The following C6orf132 variants were observed in gnomAD, a reference collection of about 807,000 sequenced individuals.
The protein encoded by C6orf132 is uncharacterized protein C6orf132.
In C6orf132, 43 loss-of-function variants were observed where a neutral mutation model predicts 65.3. The ratio of observed to expected loss-of-function variants is 0.66; its 90% confidence interval spans 0.52 to 0.85. The LOEUF (loss-of-function observed/expected upper bound fraction) is 0.85, where lower values mean the gene tolerates loss of function less well. C6orf132 is among the 40% of genes least tolerant of loss of function. C6orf132 has a pLI of 0.00. For synonymous variants in C6orf132, 631 were observed against 654.1 expected (o/e 0.96, Z 0.54); for missense variants, 1,488 against 1,548.8 (o/e 0.96, Z 0.66).
At chr6:42,111,084 A>G (rs572016625) in intron 2 of C6orf132, among the ~76,000 whole-genome samples, 1 of 152,208 alleles carries the variant, frequency 6.6e-6, no homozygotes, top group South Asian at 2.1e-4. Flanking sequence ...CTTAGTTTTC[A>G]TTAGGTGTTT....
At chr6:42,115,916 T>TTTTTTC (rs1158350802) in intron 2 of C6orf132, among the ~76,000 whole-genome samples, 2 of 147,690 alleles carry the variant, frequency 1.4e-5, no homozygotes, top group East Asian at 2.0e-4. Context: ...TTTTTTTTTC[T>TTTTTTC]TTTTTCTTTT....
At position 42,142,531 on chromosome 6, in the gene C6orf132, A is replaced by C; in HGVS notation, c.-87T>G. ...GGACTGAACTCAGCACGGTCTCCCCAGGGGACTCTACCAGGCCATGTCCCC... is the reference window on the plus strand; with the variant it reads ...GGACTGAACTCAGCACGGTCTCCCCCGGGGACTCTACCAGGCCATGTCCCC... On this transcript the variant is annotated 5_prime_UTR_variant, in exon 1 of 5. Coordinates refer to ENST00000341865, the MANE Select transcript of C6orf132 (RefSeq NM_001164446.3). 8.2e-7 allele frequency: 1 copy of C among 1,215,462 alleles called. No homozygotes were observed. The allele number at this position is 1,215,462 out of a possible 1,614,324, so 75.3% of individuals were successfully genotyped here.
intron 1 of C6orf132, among the ~76,000 whole-genome samples, chr6:42,139,405 G>A (rs991919474): frequency 3.9e-5 from 6 of 152,244 alleles, no homozygotes; most frequent in Admixed American, 2.6e-4. Flanking sequence ...CTTAGAGGAG[G>A]GGCCAGTAAA....
rs1766330035 is a variant in C6orf132, at chr6:42,103,477, T to G, written c.*284A>C. The stretch of plus-strand genomic sequence containing the variant: ...GCAGATAGTACCAGAGAGCAGAAAC[T>G]CAGCGCCCAGGTCCTTAATGGTTCC... On this transcript the variant is annotated 3_prime_UTR_variant, in exon 5 of 5. Transcript: ENST00000341865. The G allele has an allele frequency of 2.6e-6, 1 of 389,712 alleles. No homozygotes were observed. Among genetic ancestry groups the G allele is most frequent in the Admixed American group, 4.5e-5 (1 of 22,448 alleles). The allele number at this position is 389,712 out of a possible 1,614,324, so 24.1% of individuals were successfully genotyped here.
At chr6:42,131,872 G>A (rs901115171) in intron 1 of C6orf132, among the ~76,000 whole-genome samples, 2 of 152,222 alleles carry the variant, frequency 1.3e-5, no homozygotes, top group Non-Finnish European at 2.9e-5. Flanking sequence ...TTGAGGCCGG[G>A]TTGGAAGGCC....
chr6:42,106,829 G>A lies in C6orf132; in HGVS notation c.1083C>T (p.Asp361=), dbSNP rs1227718794. 2 of 1,535,532 alleles carry A rather than the reference G, an allele frequency of 1.3e-6. No individual in the cohort carries two copies. Among genetic ancestry groups the A allele is most frequent in the African/African-American group, 2.7e-5 (2 of 72,862 alleles). Residue 361 remains aspartate, a synonymous_variant, in exon 4 of 5, where the codon GAC becomes GAT. Transcript: ENST00000341865. ...QVYPDRAPEP[D]CPGELKATAP... ...CTGTGGCCTTGAGCTCCCCAGGGCA[G>A]TCTGGCTCGGGGGCCCTGTCTGGGT...
intron 1 of C6orf132, among the ~76,000 whole-genome samples, chr6:42,138,989 G>A (rs919362718): frequency 1.3e-5 from 2 of 152,074 alleles, no homozygotes; most frequent in Admixed American, 1.3e-4. Flanking sequence ...GAGAAATTCT[G>A]TAAAGAAAAT....
Position 42,132,864 on chromosome 6 carries a change from A to AAAAAGAAAAGAAAAG in C6orf132, c.146-4101_146-4087dup, listed in dbSNP as rs1169218182. Among the ~76,000 whole-genome samples, 211 of 148,656 alleles carry AAAAAGAAAAGAAAAG rather than the reference A, an allele frequency of 1.4e-3. 3 individuals carry two copies. The highest frequency in any genetic ancestry group is 5.3e-3 in the African/African-American group (206 of 38,842). On this transcript the variant is annotated intron_variant, in intron 1 of 4. Coordinates refer to ENST00000341865, the MANE Select transcript of C6orf132 (RefSeq NM_001164446.3). Reference sequence around the variant, plus strand: ...AGAGTGAGACTCTGTCTCAAAAAAAAAAAAGAAAAGAAAAGAAAAGAAAAG... The same window carrying AAAAAGAAAAGAAAAG: ...AGAGTGAGACTCTGTCTCAAAAAAAAAAAAGAAAAGAAAAGAAAAGAAAAGAAAAGAAAAGAAAAG...
At chr6:42,132,975 G>A (rs1166290735) in intron 1 of C6orf132, among the ~76,000 whole-genome samples, 1 of 152,184 alleles carries the variant, frequency 6.6e-6, no homozygotes, top group Non-Finnish European at 1.5e-5. Flanking sequence ...ACAGCATGAG[G>A]TGAGGCGCGT....
chr6:42,105,706 AC>A lies in C6orf132; in HGVS notation c.2205del (p.Ser736ProfsTer50), dbSNP rs1766390124. On this transcript the variant is annotated frameshift_variant, in exon 4 of 5. Coordinates refer to ENST00000341865, the MANE Select transcript of C6orf132 (RefSeq NM_001164446.3). LOFTEE classifies it high-confidence loss of function. ...GGCAGCCTAGTGGCCTCTGAGGGGG[AC>A]CCCTCTCCCCTTGCCTGGGAGGGAG... ...VSTPSQARGE[G>X]SPSEATRLPT... 1 of 1,536,756 alleles carries A rather than the reference AC, an allele frequency of 6.5e-7. No individual in the cohort carries two copies. Among genetic ancestry groups the A allele is most frequent in the Admixed American group, 2.0e-5 (1 of 50,962 alleles).
At chr6:42,120,002 G>A (rs1766654025) in intron 2 of C6orf132, among the ~76,000 whole-genome samples, 1 of 151,688 alleles carries the variant, frequency 6.6e-6, no homozygotes, top group Non-Finnish European at 1.5e-5. Flanking sequence ...GCTGAGGCAG[G>A]AGAATCGCTT....
In C6orf132 at chr6:42,138,064, C is replaced by T. The variant is rs985891957; in HGVS notation, c.145+4236G>A. ...CGGATCGAGACTCCGTCTCAAAAAACCCCCAGAGCCCAGACCCTAGCCCAG... is the reference window on the plus strand; with the variant it reads ...CGGATCGAGACTCCGTCTCAAAAAATCCCCAGAGCCCAGACCCTAGCCCAG... On this transcript the variant is annotated intron_variant, in intron 1 of 4. Coordinates refer to ENST00000341865, the MANE Select transcript of C6orf132 (RefSeq NM_001164446.3). Among the ~76,000 whole-genome samples, 3 of 152,076 alleles carry T rather than the reference C, an allele frequency of 2.0e-5. No individual in the cohort carries two copies. The East Asian group carries it at 5.8e-4, about 29-fold the overall frequency.
rs1274849456 is a variant in C6orf132 at position 42,107,082 on chromosome 6, G to A, written c.830C>T (p.Pro277Leu). ...RQAEATRASP[P>L]RSPAEPKGSA... is the part of the protein sequence containing the mutation. ...CCCCTTTGGCTCAGCAGGGCTTCTC[G>A]GGGGGCTGGCTCTGGTGGCCTCTGC... The change falls in exon 4 of 5, where the codon CCG becomes CTG. Residue 277 changes from proline to leucine, a missense_variant. Physicochemically the swap from Pro to Leu is moderately conservative, Grantham distance 98 (BLOSUM62 -3). Coordinates refer to ENST00000341865, the MANE Select transcript of C6orf132 (RefSeq NM_001164446.3). 67 of 1,471,450 alleles carry A rather than the reference G, an allele frequency of 4.6e-5. No individual in the cohort carries two copies. Among genetic ancestry groups the A allele is most frequent in the Non-Finnish European group, 5.6e-5 (62 of 1,113,824 alleles). The allele number at this position is 1,471,450 out of a possible 1,614,324, so 91.1% of individuals were successfully genotyped here.
intron 3 of C6orf132, among the ~76,000 whole-genome samples, chr6:42,109,372 CA>C (rs1373787001): frequency 6.6e-6 from 1 of 152,122 alleles, no homozygotes; most frequent in Non-Finnish European, 1.5e-5. Flanking sequence ...GCAGAGGTTG[CA>C]GTGAGCTGAG....
intron 2 of C6orf132, among the ~76,000 whole-genome samples, chr6:42,126,011 C>A (rs1415264049): frequency 1.3e-5 from 2 of 152,114 alleles, no homozygotes; most frequent in African/African-American, 2.4e-5. Context: ...AGGCGAGGGG[C>A]AGGACAGCAG....
At chr6:42,108,589 A>G (rs1766450016) in intron 3 of C6orf132, among the ~76,000 whole-genome samples, 1 of 152,084 alleles carries the variant, frequency 6.6e-6, no homozygotes, top group Non-Finnish European at 1.5e-5. Flanking sequence ...ACTATTAAGA[A>G]CCCAGCTGTC....
Position 42,142,493 on chromosome 6 carries a change from C to G in C6orf132, c.-49G>C. The stretch of plus-strand genomic sequence containing the variant: ...CAGGGAAGGACCTTCCCTCCCTCGC[C>G]CTGCCCTGCCCCGGACTGAACTCAG... On this transcript the variant is annotated 5_prime_UTR_variant, in exon 1 of 5. Coordinates refer to ENST00000341865, the MANE Select transcript of C6orf132 (RefSeq NM_001164446.3). 1 of 1,533,322 alleles carries G rather than the reference C, an allele frequency of 6.5e-7. No individual in the cohort carries two copies. The highest frequency in any genetic ancestry group is 8.8e-7 in the Non-Finnish European group (1 of 1,138,334). 95.0% of individuals were successfully genotyped at this position (1,533,322 alleles called of 1,614,324 possible). A position where few individuals can be genotyped will look rare whatever the true frequency, so the allele number is the denominator to read the frequency against.
rs773143313 is a variant in C6orf132 at position 42,106,711 on chromosome 6, G to A, written c.1201C>T (p.Pro401Ser). 2 of 674,356 alleles carry A rather than the reference G, an allele frequency of 3.0e-6. No homozygotes were observed. The highest frequency in any genetic ancestry group is 3.0e-5 in the South Asian group (2 of 66,778). The allele number at this position is 674,356 out of a possible 1,614,324, so 41.8% of individuals were successfully genotyped here. Residue 401 changes from proline (P) to serine (S), a missense_variant, in exon 4 of 5, where the codon CCC becomes TCC. Transcript: ENST00000341865. ...PPAPPLPPPA[P>S]PLPPPAPPLP... ...GGGGGTGCTGGGGGAGGGAGGGGGGGTGCAGGAGGGGGCAGGGGAGGGGCT... is the reference window on the plus strand; with the variant it reads ...GGGGGTGCTGGGGGAGGGAGGGGGGATGCAGGAGGGGGCAGGGGAGGGGCT...
rs1401584601 is a variant in C6orf132 at position 42,104,790 on chromosome 6, G to A, written c.3122C>T (p.Ala1041Val). The change falls in exon 4 of 5, where the codon GCG becomes GTG. Residue 1041 changes from alanine to valine, a missense_variant. By Grantham distance (64) the Ala-to-Val change is moderately conservative. Coordinates refer to ENST00000341865, the MANE Select transcript of C6orf132 (RefSeq NM_001164446.3). The surrounding 1 kb of genome is among the most constrained non-coding windows in gnomAD (Gnocchi z 4.1). ...CCCAGCCCCGGCGTAGCGCGCGCCCGCGGGAAAGCGCGAGAAGCCGAGAGC... is the reference window on the plus strand; with the variant it reads ...CCCAGCCCCGGCGTAGCGCGCGCCCACGGGAAAGCGCGAGAAGCCGAGAGC... Reference protein sequence around the residue: ...PPALGFSRFPAGARYAGAGGL... With the variant: ...PPALGFSRFPVGARYAGAGGL... The A allele has an allele frequency of 6.7e-7, 1 of 1,497,058 alleles. No homozygotes were observed. The highest frequency in any genetic ancestry group is 1.4e-5 in the African/African-American group (1 of 70,736). The allele number at this position is 1,497,058 out of a possible 1,614,324, so 92.7% of individuals were successfully genotyped here.
Sources: gnomAD v4.1 joint callset for allele counts (sites outside exome capture counted in the v4.1 genomes callset) on GRCh38, gnomAD v4.1.1 for gene constraint, Gnocchi (gnomAD v3.1) non-coding constraint, MANE v1.5 for transcripts, NCBI Gene and HGNC (gene_info 2026-07-23, HGNC 2026-07-21) for gene names.